Variants in ASAP3 observed in about 807,000 individuals in gnomAD.
ASAP3 encodes the protein ArfGAP with SH3 domain, ankyrin repeat and PH domain 3, also known as arf-GAP with SH3 domain, ANK repeat and PH domain-containing protein 3.
A neutral mutation model predicts 118.2 loss-of-function variants in ASAP3; 85 were observed. That is an observed-to-expected ratio of 0.72 (90% CI 0.60 to 0.86). The LOEUF (loss-of-function observed/expected upper bound fraction) is 0.86, where lower values mean the gene tolerates loss of function less well. ASAP3 is among the 40% of genes least tolerant of loss of function. ASAP3 has a pLI of 0.00. For missense variants in ASAP3, 1,026 were observed against 1,175.0 expected, an observed-to-expected ratio of 0.87 and a Z score of 1.85; for synonymous variants, 432 against 477.4, an observed-to-expected ratio of 0.90 and a Z score of 1.24.
chr1:23,482,446 C>T (rs1642336096), intron 1 of ASAP3, among the ~76,000 whole-genome samples: 1 of 151,836 alleles, frequency 6.6e-6, no homozygotes, highest in Non-Finnish European at 1.5e-5. Context: ...TGCTTGAACC[C>T]GGGAGGCAGA....
At chr1:23,444,628 C>A (rs1640989734) in intron 5 of ASAP3, among the ~76,000 whole-genome samples, 1 of 152,170 alleles carries the variant, frequency 6.6e-6, no homozygotes, top group Admixed American at 6.5e-5. Context: ...TTACTGTAGG[C>A]CCCTCAAGGC....
intron 1 of ASAP3, among the ~76,000 whole-genome samples, chr1:23,462,028 CTT>C (rs531739489): frequency 5.6e-5 from 8 of 143,946 alleles, no homozygotes; most frequent in African/African-American, 7.6e-5. Context: ...TTTTTCTTTT[CTT>C]TTTTTTTTTT....
intron 5 of ASAP3, among the ~76,000 whole-genome samples, chr1:23,448,686 C>T (rs998709388): frequency 4.6e-5 from 7 of 152,164 alleles, no homozygotes; most frequent in East Asian, 1.9e-4. Flanking sequence ...AGGCTGGTTT[C>T]GAACTCCTGA....
intron 1 of ASAP3, among the ~76,000 whole-genome samples, chr1:23,460,506 CAAAAA>C (rs71023213): frequency 2.4e-5 from 2 of 84,796 alleles, no homozygotes; most frequent in Non-Finnish European, 4.5e-5. Context: ...GACTCCATCT[CAAAAA>C]AAAAAAAAAA....
At chr1:23,484,334 A>C (rs2148671958), upstream of ASAP3, 2 of 412,016 alleles carry the variant, frequency 4.9e-6, no homozygotes, top group Non-Finnish European at 7.0e-6. Context: ...GCCTTCCTCC[A>C]CCGCCAAGGT....
chr1:23,456,486 G>T (rs901520224), intron 1 of ASAP3, among the ~76,000 whole-genome samples: 2 of 152,116 alleles, frequency 1.3e-5, no homozygotes, highest in African/African-American at 4.8e-5. Flanking sequence ...GACAGGGTGT[G>T]CCAGGCCTGG....
intron 4 of ASAP3, 25 bp from the exon 5 acceptor site, chr1:23,451,553 G>T (rs1433658370): frequency 6.2e-7 from 1 of 1,611,748 alleles, no homozygotes; most frequent in Non-Finnish European, 8.5e-7. Context: ...AGGACAATTT[G>T]CCCAGAGGGA....
In ASAP3 at chr1:23,455,436, G is replaced by T. The variant is rs564110895; in HGVS notation, c.348+445C>A. Among the ~76,000 whole-genome samples, 7 of 152,320 alleles carry T rather than the reference G, an allele frequency of 4.6e-5. No homozygotes were observed. The South Asian group carries it at 1.5e-3, about 32-fold the overall frequency. On this transcript the variant is annotated intron_variant, in intron 3 of 24. Transcript: ENST00000336689. ...TTGTGGAGGCAGGGACAGGTCCTGGGATTTAAGTACGAAGCAGATGTGGAT... is the reference window on the plus strand; with the variant it reads ...TTGTGGAGGCAGGGACAGGTCCTGGTATTTAAGTACGAAGCAGATGTGGAT...
At chr1:23,474,739 C>T (rs1357851477) in intron 1 of ASAP3, among the ~76,000 whole-genome samples, 4 of 152,172 alleles carry the variant, frequency 2.6e-5, no homozygotes, top group East Asian at 3.9e-4. Flanking sequence ...CGTGCCACCA[C>T]GCCCGGCTAA....
rs556243447 is a variant in ASAP3, at chr1:23,438,678, G to A, written c.1102+69C>T. 9 of 1,434,602 alleles carry A rather than the reference G, an allele frequency of 6.3e-6. No individual in the cohort carries two copies. In the African/African-American group the frequency reaches 8.4e-5, roughly 13 times the overall value. The allele number at this position is 1,434,602 out of a possible 1,614,324, so 88.9% of individuals were successfully genotyped here. ...ACAGACCCCTCACTGAAGCCCCCCG[G>A]GAGCTGACAGGTGTCTTAGAGAAGC... On this transcript the variant is annotated intron_variant, in intron 12 of 24. Coordinates refer to ENST00000336689, the MANE Select transcript of ASAP3 (RefSeq NM_017707.4). This position sits in a 1 kb window ranked among gnomAD's most constrained non-coding sequence, Gnocchi z 4.9.
chr1:23,446,908 A>T (rs1323574591), intron 5 of ASAP3, among the ~76,000 whole-genome samples: 1 of 151,754 alleles, frequency 6.6e-6, no homozygotes. Flanking sequence ...GGAAGACAAT[A>T]TTTCCACGGA....
At chr1:23,460,188 T>A (rs1641525202) in intron 1 of ASAP3, among the ~76,000 whole-genome samples, 1 of 151,768 alleles carries the variant, frequency 6.6e-6, no homozygotes, top group Non-Finnish European at 1.5e-5. Flanking sequence ...ATGGCCAAAA[T>A]CCAAAACACT....
At chr1:23,461,911 G>T (rs12078515) in intron 1 of ASAP3, among the ~76,000 whole-genome samples, 5,768 of 152,286 alleles carry the variant, frequency 0.038, 145 homozygotes, top group Middle Eastern at 0.15. Context: ...ATATGAAAGA[G>T]AAATCTCTTA....
chr1:23,482,579 C>T (rs540588543), intron 1 of ASAP3, among the ~76,000 whole-genome samples: 10 of 152,184 alleles, frequency 6.6e-5, no homozygotes, highest in African/African-American at 2.4e-4. Flanking sequence ...CATTATTACC[C>T]CCATTCCACA....
rs1477075212 is a variant in ASAP3 at position 23,431,724 on chromosome 1, A to C, written c.2518T>G (p.Ser840Ala). 1.3e-6 allele frequency: 2 copies of C among 1,522,470 alleles called. No individual in the cohort carries two copies. The highest frequency in any genetic ancestry group is 4.6e-5 in the Admixed American group (2 of 43,826). 94.3% of individuals were successfully genotyped at this position (1,522,470 alleles called of 1,614,324 possible). The change falls in exon 23 of 25, where the codon TCG (serine) becomes GCG (alanine). Residue 840 changes from serine (S) to alanine (A), a missense_variant. Ser to Ala is a moderately conservative substitution (Grantham distance 99). Transcript: ENST00000336689. The stretch of plus-strand genomic sequence containing the variant: ...AATCTGACGGGGAGGTACATCTCCG[A>C]AGGGGTGGTCCCGGATGTCAGGCTG... ...RPSLTSGTTP[S>A]EMYLPVRFSS... is the part of the protein sequence containing the mutation.
At chr1:23,475,554 C>T (rs986407602) in intron 1 of ASAP3, among the ~76,000 whole-genome samples, 6 of 152,192 alleles carry the variant, frequency 3.9e-5, no homozygotes, top group Non-Finnish European at 8.8e-5. Flanking sequence ...GTTTGAAACC[C>T]ACGGTCTCGA....
rs1425586324 is a variant in ASAP3 at position 23,442,503 on chromosome 1, C to T, written c.583G>A (p.Glu195Lys). 2 of 1,613,388 alleles carry T rather than the reference C, an allele frequency of 1.2e-6. No individual in the cohort carries two copies. Among genetic ancestry groups the T allele is most frequent in the Non-Finnish European group, 1.7e-6 (2 of 1,179,744 alleles). ...ERRIFQLHMCEYLLKAGESQM... is the reference protein window; with the variant it reads ...ERRIFQLHMCKYLLKAGESQM... Reference sequence around the variant, plus strand: ...CCCTCATCCAGAGCACCCCTTACCTCACACATGTGCAGCTGGAAGATGCGC... The same window carrying T: ...CCCTCATCCAGAGCACCCCTTACCTTACACATGTGCAGCTGGAAGATGCGC... The change falls in exon 6 of 25, where the codon GAG becomes AAG. Residue 195 changes from glutamate to lysine, a missense_variant and splice_region_variant. Glu to Lys is a moderately conservative substitution (Grantham distance 56, BLOSUM62 1). Transcript: ENST00000336689.
intron 19 of ASAP3, 40 bp from the exon 20 acceptor site, chr1:23,433,733 A>G: frequency 6.2e-7 from 1 of 1,612,820 alleles, no homozygotes; most frequent in Non-Finnish European, 8.5e-7. Context: ...TCATAGTCAA[A>G]GAAACATTAC....
chr1:23,440,459 T>TGC (rs1640824708), intron 10 of ASAP3, among the ~76,000 whole-genome samples: 1 of 109,464 alleles, frequency 9.1e-6, no homozygotes, highest in African/African-American at 3.7e-5. Flanking sequence ...TGAGATCACG[T>TGC]CACTGCACTC....
Sources: gnomAD v4.1 joint callset for allele counts (sites outside exome capture counted in the v4.1 genomes callset) on GRCh38, gnomAD v4.1.1 for gene constraint, Gnocchi (gnomAD v3.1) non-coding constraint, MANE v1.5 for transcripts, NCBI Gene and HGNC (gene_info 2026-07-23, HGNC 2026-07-21) for gene names.